Variants in SOX12 observed in about 807,000 individuals in gnomAD.
SOX12 encodes SRY-box transcription factor 12.
Under a neutral mutation model 21.5 loss-of-function variants are expected in SOX12, and 8 were observed. The observed-to-expected ratio is 0.37, with a 90% CI of 0.22 to 0.67. The LOEUF is 0.67. Among genes scored for constraint, SOX12 ranks in the 30% least tolerant of loss-of-function variants. The probability of loss-of-function intolerance (pLI) is 0.56; values close to 1 mark genes in which losing one functional copy is unlikely to be tolerated. For synonymous variants in SOX12, 235 were observed against 224.2 expected (o/e 1.05, Z -0.43); for missense variants, 400 against 482.6 (o/e 0.83, Z 1.60).
At position 326,971 on chromosome 20, in the gene SOX12, C is replaced by A; in HGVS notation, c.*99C>A. 8.9e-7 allele frequency: 1 copy of A among 1,128,680 alleles called. No individual in the cohort carries two copies. Among genetic ancestry groups the A allele is most frequent in the Admixed American group, 1.7e-5 (1 of 58,066 alleles). 69.9% of individuals were successfully genotyped at this position (1,128,680 alleles called of 1,614,324 possible). ...GGAGGCCGAGGCTGGCACCCCATCT[C>A]CCGCGCAGCCTGCCCCCTCCTGGAC... On this transcript the variant is annotated 3_prime_UTR_variant, in exon 1 of 1. Transcript: ENST00000342665. The surrounding 1 kb of genome is among the most constrained non-coding windows in gnomAD (Gnocchi z 9.9).
rs1196877687 is a variant in SOX12 at position 327,328 on chromosome 20, C to T, written c.*456C>T. The T allele has an allele frequency of 1.0e-5, 2 of 195,710 alleles. No homozygotes were observed. Among genetic ancestry groups the T allele is most frequent in the Non-Finnish European group, 2.3e-5 (2 of 86,328 alleles). 12.1% of individuals were successfully genotyped at this position (195,710 alleles called of 1,614,324 possible). ...CACGCGCCTCCTGCGCCCCTCCCTT[C>T]CCTGGGGGGAGGGGCGCACCCCTTT... On this transcript the variant is annotated 3_prime_UTR_variant, in exon 1 of 1. Transcript: ENST00000342665.
rs950442083 is a variant in SOX12, at chr20:329,389, G to A, written c.*2517G>A. ...CTCCATTGTCAGAGGAGGAAACGGGGTCAGGCAGGAAAGCAACTTAAAGGA... is the reference window on the plus strand; with the variant it reads ...CTCCATTGTCAGAGGAGGAAACGGGATCAGGCAGGAAAGCAACTTAAAGGA... On this transcript the variant is annotated 3_prime_UTR_variant, in exon 1 of 1. Transcript: ENST00000342665. 16 of 167,076 alleles carry A rather than the reference G, an allele frequency of 9.6e-5. No individual in the cohort carries two copies. Among genetic ancestry groups the A allele is most frequent in the African/African-American group, 2.9e-4 (12 of 41,580 alleles). 10.3% of individuals were successfully genotyped at this position (167,076 alleles called of 1,614,324 possible).
chr20:326,579 C>T lies in SOX12; in HGVS notation c.655C>T (p.Pro219Ser). 6.5e-7 allele frequency: 1 copy of T among 1,533,690 alleles called. No homozygotes were observed. Among genetic ancestry groups the T allele is most frequent in the Non-Finnish European group, 8.8e-7 (1 of 1,140,984 alleles). ...EGAAAAAAAS[P>S]TPSEDEEPEE... ...GGCGGCCGCCGCCGCCGCCGCCTCC[C>T]CGACACCGTCGGAGGACGAGGAGCC... Residue 219 changes from proline to serine, a missense_variant, in exon 1 of 1, where the codon CCG (proline) becomes TCG (serine). By Grantham distance (74) the Pro-to-Ser change is moderately conservative. Around this residue, in one of 4 missense-constraint regions of SOX12, gnomAD observed 235 missense variants for 219.3 expected, o/e 1.07. Transcript: ENST00000342665. The surrounding 1 kb of genome is among the most constrained non-coding windows in gnomAD (Gnocchi z 9.9).
rs1198312833 is a variant in SOX12 at position 326,689 on chromosome 20, G to A, written c.765G>A (p.Leu255=). The change falls in exon 1 of 1, where the codon CTG becomes CTA. Residue 255 remains leucine (L), a synonymous_variant. Transcript: ENST00000342665. The surrounding 1 kb of genome is among the most constrained non-coding windows in gnomAD (Gnocchi z 9.9). ...VASGEESLGF[L]SRLPPGPAGL... ...CGGGGGAGGAGTCGCTGGGCTTTCT[G>A]TCCAGGCTGCCCCCTGGCCCGGCCG... 6.3e-7 allele frequency: 1 copy of A among 1,578,650 alleles called. No homozygotes were observed.
At position 328,523 on chromosome 20, in the gene SOX12, T is replaced by A. The variant is rs1284372320; in HGVS notation, c.*1651T>A. ...TGGGCCTTTCTTGCGCTCTATTTTT[T>A]TTTTTTTTTTTTTTAAGAAAAACAA... On this transcript the variant is annotated 3_prime_UTR_variant, in exon 1 of 1. Coordinates refer to ENST00000342665, the MANE Select transcript of SOX12 (RefSeq NM_006943.4). 6 of 132,692 alleles carry A rather than the reference T, an allele frequency of 4.5e-5. No individual in the cohort carries two copies. Among genetic ancestry groups the A allele is most frequent in the African/African-American group, 2.5e-4 (6 of 24,122 alleles). 8.2% of individuals were successfully genotyped at this position (132,692 alleles called of 1,614,324 possible). A position where few individuals can be genotyped will look rare whatever the true frequency, so the allele number is the denominator to read the frequency against.
chr20:327,302 G>T lies in SOX12; in HGVS notation c.*430G>T. 1 of 203,242 alleles carries T rather than the reference G, an allele frequency of 4.9e-6. No homozygotes were observed. The highest frequency in any genetic ancestry group is 1.1e-5 in the Non-Finnish European group (1 of 90,670). The allele number at this position is 203,242 out of a possible 1,614,324, so 12.6% of individuals were successfully genotyped here. A position where few individuals can be genotyped will look rare whatever the true frequency, so the allele number is the denominator to read the frequency against. Reference sequence around the variant, plus strand: ...GGGGGCGATGCGGCCGGGTGGCAACGCACGCGCCTCCTGCGCCCCTCCCTT... The same window carrying T: ...GGGGGCGATGCGGCCGGGTGGCAACTCACGCGCCTCCTGCGCCCCTCCCTT... On this transcript the variant is annotated 3_prime_UTR_variant, in exon 1 of 1. Transcript: ENST00000342665.
In SOX12 at chr20:326,194, G is replaced by C; in HGVS notation, c.270G>C (p.Val90=). The change falls in exon 1 of 1, where the codon GTG becomes GTC. Residue 90 remains valine, a synonymous_variant. Coordinates refer to ENST00000342665, the MANE Select transcript of SOX12 (RefSeq NM_006943.4). The surrounding 1 kb of genome is among the most constrained non-coding windows in gnomAD (Gnocchi z 9.9). ...LLQDSEKIPF[V]REAERLRLKH... ...AGGACTCGGAGAAGATCCCGTTCGT[G>C]CGGGAGGCGGAGCGGCTGCGGCTCA... The C allele has an allele frequency of 6.3e-7, 1 of 1,593,466 alleles. No individual in the cohort carries two copies. Among genetic ancestry groups the C allele is most frequent in the Non-Finnish European group, 8.5e-7 (1 of 1,170,858 alleles).
In SOX12 at chr20:328,593, A is replaced by C. The variant is rs2013146100; in HGVS notation, c.*1721A>C. 1.8e-5 allele frequency: 3 copies of C among 162,378 alleles called. No homozygotes were observed. Among genetic ancestry groups the C allele is most frequent in the African/African-American group, 7.3e-5 (3 of 40,902 alleles). 10.1% of individuals were successfully genotyped at this position (162,378 alleles called of 1,614,324 possible). A position where few individuals can be genotyped will look rare whatever the true frequency, so the allele number is the denominator to read the frequency against. ...TGAAAAAAAAAACGTCATGTGAGTGAAGAGATGTCACTGTCTGTGGTCTTG... is the reference window on the plus strand; with the variant it reads ...TGAAAAAAAAAACGTCATGTGAGTGCAGAGATGTCACTGTCTGTGGTCTTG... On this transcript the variant is annotated 3_prime_UTR_variant, in exon 1 of 1. Transcript: ENST00000342665.
rs2013078339 is a variant in SOX12, at chr20:325,872, C to G, written c.-53C>G. On this transcript the variant is annotated 5_prime_UTR_variant, in exon 1 of 1. Transcript: ENST00000342665. This position sits in a 1 kb window ranked among gnomAD's most constrained non-coding sequence, Gnocchi z 5.0. The stretch of plus-strand genomic sequence containing the variant: ...CTGCCTCCTCCCCCACCCCCAGCCG[C>G]GGAGGATGCGGACGGCCCCCGGCGG... 3 of 1,020,160 alleles carry G rather than the reference C, an allele frequency of 2.9e-6. No individual in the cohort carries two copies. The highest frequency in any genetic ancestry group is 3.5e-6 in the Non-Finnish European group (3 of 851,130). 63.2% of individuals were successfully genotyped at this position (1,020,160 alleles called of 1,614,324 possible). A position where few individuals can be genotyped will look rare whatever the true frequency, so the allele number is the denominator to read the frequency against.
chr20:326,926 A>G lies in SOX12; in HGVS notation c.*54A>G. On this transcript the variant is annotated 3_prime_UTR_variant, in exon 1 of 1. Coordinates refer to ENST00000342665, the MANE Select transcript of SOX12 (RefSeq NM_006943.4). The surrounding 1 kb of genome is among the most constrained non-coding windows in gnomAD (Gnocchi z 9.9). Reference sequence around the variant, plus strand: ...CCAAACCAGCTGTTTACATACAGGAATCAGGTATTGGGGCCCCTCGGAGGC... The same window carrying G: ...CCAAACCAGCTGTTTACATACAGGAGTCAGGTATTGGGGCCCCTCGGAGGC... The G allele has an allele frequency of 1.3e-6, 2 of 1,586,658 alleles. No individual in the cohort carries two copies. The highest frequency in any genetic ancestry group is 1.1e-5 in the South Asian group (1 of 90,566).
At position 327,209 on chromosome 20, in the gene SOX12, G is replaced by A. The variant is rs1312394594; in HGVS notation, c.*337G>A. The A allele has an allele frequency of 2.3e-5, 7 of 304,582 alleles. No individual in the cohort carries two copies. The highest frequency in any genetic ancestry group is 2.1e-4 in the South Asian group (6 of 28,512). The allele number at this position is 304,582 out of a possible 1,614,324, so 18.9% of individuals were successfully genotyped here. ...TTTGCACACGCCCCTCCTCGTGGCCGGAGGACCCGCCCCCTCCTTTGCTCC... is the reference window on the plus strand; with the variant it reads ...TTTGCACACGCCCCTCCTCGTGGCCAGAGGACCCGCCCCCTCCTTTGCTCC... On this transcript the variant is annotated 3_prime_UTR_variant, in exon 1 of 1. Transcript: ENST00000342665.
chr20:328,813 C>T lies in SOX12; in HGVS notation c.*1941C>T, dbSNP rs910317843. 6.0e-6 allele frequency: 1 copy of T among 167,240 alleles called. No individual in the cohort carries two copies. Among genetic ancestry groups the T allele is most frequent in the Non-Finnish European group, 1.5e-5 (1 of 68,250 alleles). The allele number at this position is 167,240 out of a possible 1,614,324, so 10.4% of individuals were successfully genotyped here. On this transcript the variant is annotated 3_prime_UTR_variant, in exon 1 of 1. Coordinates refer to ENST00000342665, the MANE Select transcript of SOX12 (RefSeq NM_006943.4). ...CAGATTCAAGTCCGTGTGATTTGGGCCCGAGCTGGGTGTCCCAGGGCAAGC... is the reference window on the plus strand; with the variant it reads ...CAGATTCAAGTCCGTGTGATTTGGGTCCGAGCTGGGTGTCCCAGGGCAAGC...
rs1463420333 is a variant in SOX12 at position 327,225 on chromosome 20, C to G, written c.*353C>G. On this transcript the variant is annotated 3_prime_UTR_variant, in exon 1 of 1. Transcript: ENST00000342665. ...CTCGTGGCCGGAGGACCCGCCCCCTCCTTTGCTCCGGAATCTCTCCTCCCT... is the reference window on the plus strand; with the variant it reads ...CTCGTGGCCGGAGGACCCGCCCCCTGCTTTGCTCCGGAATCTCTCCTCCCT... 1 of 281,770 alleles carries G rather than the reference C, an allele frequency of 3.5e-6. No homozygotes were observed. Among genetic ancestry groups the G allele is most frequent in the Non-Finnish European group, 7.2e-6 (1 of 138,196 alleles). The allele number at this position is 281,770 out of a possible 1,614,324, so 17.5% of individuals were successfully genotyped here. A position where few individuals can be genotyped will look rare whatever the true frequency, so the allele number is the denominator to read the frequency against.
chr20:326,574 C>A lies in SOX12; in HGVS notation c.650C>A (p.Ala217Asp). The change falls in exon 1 of 1, where the codon GCC becomes GAC. Residue 217 changes from alanine (A) to aspartate (D), a missense_variant. Ala to Asp is a moderately radical substitution (Grantham distance 126). Coordinates refer to ENST00000342665, the MANE Select transcript of SOX12 (RefSeq NM_006943.4). The surrounding 1 kb of genome is among the most constrained non-coding windows in gnomAD (Gnocchi z 9.9). Reference protein sequence around the residue: ...SGEGAAAAAAASPTPSEDEEP... With the variant: ...SGEGAAAAAADSPTPSEDEEP... ...GAGGGGGCGGCCGCCGCCGCCGCCGCCTCCCCGACACCGTCGGAGGACGAG... is the reference window on the plus strand; with the variant it reads ...GAGGGGGCGGCCGCCGCCGCCGCCGACTCCCCGACACCGTCGGAGGACGAG... 1 of 1,526,340 alleles carries A rather than the reference C, an allele frequency of 6.6e-7. No homozygotes were observed. The highest frequency in any genetic ancestry group is 8.8e-7 in the Non-Finnish European group (1 of 1,140,534). The allele number at this position is 1,526,340 out of a possible 1,614,324, so 94.5% of individuals were successfully genotyped here.
chr20:325,962 G>A lies in SOX12; in HGVS notation c.38G>A (p.Gly13Asp), dbSNP rs1335656897. Residue 13 changes from glycine (G) to aspartate (D), a missense_variant, in exon 1 of 1, where the codon GGC becomes GAC. Coordinates refer to ENST00000342665, the MANE Select transcript of SOX12 (RefSeq NM_006943.4). The surrounding 1 kb of genome is among the most constrained non-coding windows in gnomAD (Gnocchi z 5.0). ...QQRGARAKRD[G>D]GPPPPGPGPA... ...CGGGGCGCGAGGGCCAAGCGGGACG[G>A]CGGGCCGCCGCCCCCGGGACCCGGG... The A allele has an allele frequency of 2.0e-5, 28 of 1,375,516 alleles. No individual in the cohort carries two copies. Among genetic ancestry groups the A allele is most frequent in the African/African-American group, 3.1e-5 (2 of 64,562 alleles). 85.2% of individuals were successfully genotyped at this position (1,375,516 alleles called of 1,614,324 possible).
In SOX12 at chr20:325,870, C is replaced by T; in HGVS notation, c.-55C>T. 8.8e-6 allele frequency: 9 copies of T among 1,017,410 alleles called. No homozygotes were observed. Among genetic ancestry groups the T allele is most frequent in the Non-Finnish European group, 1.1e-5 (9 of 847,548 alleles). 63.0% of individuals were successfully genotyped at this position (1,017,410 alleles called of 1,614,324 possible). On this transcript the variant is annotated 5_prime_UTR_variant, in exon 1 of 1. Transcript: ENST00000342665. This position sits in a 1 kb window ranked among gnomAD's most constrained non-coding sequence, Gnocchi z 5.0. ...CGCTGCCTCCTCCCCCACCCCCAGC[C>T]GCGGAGGATGCGGACGGCCCCCGGC...
Position 326,260 on chromosome 20 carries a change from C to G in SOX12, c.336C>G (p.Arg112=), listed in dbSNP as rs1434825363. ...ACCCGGACTACAAGTACCGGCCGCG[C>G]AAAAAGAGCAAGGGGGCGCCCGCCA... ...ADYPDYKYRP[R]KKSKGAPAKA... is the part of the protein sequence containing the mutation. The change falls in exon 1 of 1, where the codon CGC becomes CGG. Residue 112 remains arginine, a synonymous_variant. Transcript: ENST00000342665. This position sits in a 1 kb window ranked among gnomAD's most constrained non-coding sequence, Gnocchi z 9.9. 1.7e-5 allele frequency: 26 copies of G among 1,525,674 alleles called. No homozygotes were observed. Among genetic ancestry groups the G allele is most frequent in the Non-Finnish European group, 2.0e-5 (23 of 1,138,098 alleles). 94.5% of individuals were successfully genotyped at this position (1,525,674 alleles called of 1,614,324 possible).
rs1399430455 is a variant in SOX12 at position 329,811 on chromosome 20, T to A, written c.*2939T>A. 3.0e-5 allele frequency: 5 copies of A among 167,160 alleles called. No homozygotes were observed. The highest frequency in any genetic ancestry group is 1.2e-4 in the African/African-American group (5 of 41,458). The allele number at this position is 167,160 out of a possible 1,614,324, so 10.4% of individuals were successfully genotyped here. On this transcript the variant is annotated 3_prime_UTR_variant, in exon 1 of 1. Coordinates refer to ENST00000342665, the MANE Select transcript of SOX12 (RefSeq NM_006943.4). The stretch of plus-strand genomic sequence containing the variant: ...GGCTGAGTGTGGAAATTACAGTGAC[T>A]GCTTCTTCTCAGCTTCTCTGGTTGA...
Position 327,421 on chromosome 20 carries a change from TC to T in SOX12, c.*550del, listed in dbSNP as rs2013121572. The stretch of plus-strand genomic sequence containing the variant: ...CCCCTTCGTGCGCATGCTTAATGCT[TC>T]TGGGGAGGAGGGGGCTGGTCCCAGC... On this transcript the variant is annotated 3_prime_UTR_variant, in exon 1 of 1. Transcript: ENST00000342665. The T allele has an allele frequency of 5.7e-6, 1 of 174,366 alleles. No homozygotes were observed. The highest frequency in any genetic ancestry group is 6.3e-5 in the Admixed American group (1 of 15,790). 10.8% of individuals were successfully genotyped at this position (174,366 alleles called of 1,614,324 possible). A position where few individuals can be genotyped will look rare whatever the true frequency, so the allele number is the denominator to read the frequency against.
Sources: gnomAD v4.1 joint callset for allele counts on GRCh38, gnomAD v4.1.1 for gene constraint, gnomAD v4.1.1 regional missense constraint, Gnocchi (gnomAD v3.1) non-coding constraint, MANE v1.5 for transcripts, NCBI Gene and HGNC (gene_info 2026-07-23, HGNC 2026-07-21) for gene names.